ITGAE: variants seen among roughly 807,000 people sequenced by gnomAD.
ITGAE encodes integrin alpha-E.
ITGAE carries 99 observed loss-of-function variants against 136.5 expected under a neutral mutation model. The ratio of observed to expected loss-of-function variants is 0.73; its 90% CI spans 0.62 to 0.86. The LOEUF (loss-of-function observed/expected upper bound fraction) is 0.86, where lower values mean the gene tolerates loss of function less well. Among genes scored for constraint, ITGAE ranks in the 40% least tolerant of loss-of-function variants. The pLI is 0.00. For synonymous variants in ITGAE, 613 were observed against 591.8 expected, an observed-to-expected ratio of 1.04 and a Z score of -0.52; for missense variants, 1,447 against 1,515.3, an observed-to-expected ratio of 0.95 and a Z score of 0.75.
intron 18 of ITGAE, among the ~76,000 whole-genome samples, chr17:3,744,837 T>C (rs2051674841): frequency 6.6e-6 from 1 of 152,116 alleles, no homozygotes; most frequent in African/African-American, 2.4e-5. Context: ...CATTTGCCAC[T>C]CTCTTTGTTT....
chr17:3,735,595 C>T (rs1352024584), intron 20 of ITGAE, among the ~76,000 whole-genome samples: 2 of 152,182 alleles, frequency 1.3e-5, no homozygotes, highest in Admixed American at 6.6e-5. Context: ...CAGGTGTAAG[C>T]CACCGCACAC....
chr17:3,755,520 C>A (rs1029016428), intron 11 of ITGAE, among the ~76,000 whole-genome samples: 1 of 152,172 alleles, frequency 6.6e-6, no homozygotes, highest in African/African-American at 2.4e-5. Flanking sequence ...AGTCCTGTTG[C>A]CTGGTCTGTA....
intron 2 of ITGAE, among the ~76,000 whole-genome samples, chr17:3,774,169 C>CTT (rs1292868576): frequency 6.6e-6 from 1 of 150,802 alleles, no homozygotes; most frequent in African/African-American, 2.4e-5. Flanking sequence ...CCTCACCTGG[C>CTT]TCTGCCCCAG....
intron 20 of ITGAE, among the ~76,000 whole-genome samples, chr17:3,736,234 G>A (rs1371108597): frequency 6.6e-6 from 1 of 152,066 alleles, no homozygotes; most frequent in African/African-American, 2.4e-5. Flanking sequence ...GCTTGAGCCC[G>A]GGAGGCAGAG....
At chr17:3,727,879 T>A in intron 26 of ITGAE, 40 bp downstream of exon 26, 1 of 1,205,904 alleles carries the variant, frequency 8.3e-7, no homozygotes, top group Middle Eastern at 1.9e-4. Flanking sequence ...GTAGTCACTG[T>A]GGAAAGAGGT....
At chr17:3,767,094 T>TC (rs1453784446) in intron 2 of ITGAE, among the ~76,000 whole-genome samples, 1 of 151,544 alleles carries the variant, frequency 6.6e-6, no homozygotes, top group Non-Finnish European at 1.5e-5. Flanking sequence ...CCAAATTCTT[T>TC]TTTTTTTTTT....
chr17:3,725,865 C>A (rs147510645), intron 26 of ITGAE: 3 of 1,599,934 alleles, frequency 1.9e-6, no homozygotes, highest in East Asian at 4.5e-5. Context: ...GGCATCACTG[C>A]GCTTTGAGCA....
chr17:3,772,467 CTTT>C (rs72134638), intron 2 of ITGAE, among the ~76,000 whole-genome samples: 2 of 137,420 alleles, frequency 1.5e-5, no homozygotes, highest in Non-Finnish European at 1.6e-5. Context: ...GGTGAGCAGA[CTTT>C]TTTTTTTTTT....
At chr17:3,745,588 C>T (rs1330783409) in intron 18 of ITGAE, among the ~76,000 whole-genome samples, 176 bp downstream of exon 18, 2 of 152,202 alleles carry the variant, frequency 1.3e-5, no homozygotes, top group Non-Finnish European at 1.5e-5. Flanking sequence ...GTGATCCCCC[C>T]GCCTTGGCCT....
chr17:3,765,348 CAAAAAAAA>C (rs66493976), intron 2 of ITGAE, among the ~76,000 whole-genome samples: 1 of 63,756 alleles, frequency 1.6e-5, no homozygotes, highest in Non-Finnish European at 2.7e-5. Context: ...GACTCTGTCT[CAAAAAAAA>C]AAAAAAAAAA....
chr17:3,725,846 A>T (rs755161630), intron 26 of ITGAE: 1 of 1,611,964 alleles, frequency 6.2e-7, no homozygotes. Context: ...CCTCCCTCGC[A>T]GTGGCAGAGG....
rs924594300 is a variant in ITGAE at position 3,759,415 on chromosome 17, T to C, written c.853A>G (p.Met285Val). The C allele has an allele frequency of 1.2e-6, 2 of 1,613,826 alleles. No individual in the cohort carries two copies. The highest frequency in any genetic ancestry group is 2.2e-5 in the South Asian group (2 of 91,076). The change falls in exon 8 of 31, where the codon ATG becomes GTG. Residue 285 changes from methionine to valine, a missense_variant. Transcript: ENST00000263087. ...CCCCACACTCACAAGACGTGTTGCA[T>C]GGCTGAGGCAGTCTTGGTGACACTC... ...VGSVTKTASA[M>V]QHVLDSIFTS...
intron 9 of ITGAE, 24 bp from the exon 10 acceptor site, chr17:3,757,158 G>A (rs745370062): frequency 9.3e-6 from 15 of 1,611,164 alleles, no homozygotes; most frequent in Non-Finnish European, 1.2e-5. Flanking sequence ...CTGGGTCAGC[G>A]AGTCAGCGCT....
intron 21 of ITGAE, among the ~76,000 whole-genome samples, chr17:3,732,743 C>T (rs2051373844): frequency 6.6e-6 from 1 of 152,106 alleles, no homozygotes; most frequent in Non-Finnish European, 1.5e-5. Context: ...TGAATTCCAA[C>T]TCGGAGGAAT....
intron 16 of ITGAE, among the ~76,000 whole-genome samples, chr17:3,748,788 T>C (rs1217527768): frequency 6.6e-6 from 1 of 151,972 alleles, no homozygotes; most frequent in East Asian, 1.9e-4. Context: ...TTTTGGTTTG[T>C]TTGAGGAGCA....
chr17:3,796,072 T>G (rs1597377004), intron 1 of ITGAE, among the ~76,000 whole-genome samples: 2 of 135,684 alleles, frequency 1.5e-5, no homozygotes, highest in African/African-American at 5.3e-5. Context: ...CATCCGTGTT[T>G]GTGCATCCCT....
chr17:3,770,445 C>T (rs1419011405), intron 2 of ITGAE, among the ~76,000 whole-genome samples: 2 of 152,138 alleles, frequency 1.3e-5, no homozygotes, highest in Non-Finnish European at 2.9e-5. Flanking sequence ...GGTCTATTTC[C>T]ATGTCTGCTG....
At position 3,743,509 on chromosome 17, in the gene ITGAE, C is replaced by T; in HGVS notation, c.2428G>A (p.Glu810Lys). ...HPQPILDRYT[E>K]PFAIFQLPYE... ...GTCACCTGGAAGATGGCAAAGGGCT[C>T]AGTGTAGCGGTCCAGGATGGGCTGG... is the stretch of plus-strand genomic sequence containing the variant. The change falls in exon 19 of 31, where the codon GAG becomes AAG. Residue 810 changes from glutamate to lysine, a missense_variant. This residue lies in a region of ITGAE where 1,031 missense variants were observed against 1,011.4 expected (regional missense o/e 1.02). Coordinates refer to ENST00000263087, the MANE Select transcript of ITGAE (RefSeq NM_002208.5). 1 of 1,601,738 alleles carries T rather than the reference C, an allele frequency of 6.2e-7. No individual in the cohort carries two copies. The highest frequency in any genetic ancestry group is 8.5e-7 in the Non-Finnish European group (1 of 1,176,014).
intron 4 of ITGAE, 26 bp from the exon 5 acceptor site, chr17:3,761,546 A>T: frequency 6.3e-7 from 1 of 1,588,094 alleles, no homozygotes. Flanking sequence ...GAGGGTGGGG[A>T]AACACCAGGT....
Sources: allele counts gnomAD v4.1 joint callset (sites outside exome capture counted in the v4.1 genomes callset), GRCh38; gene constraint gnomAD v4.1.1; regional missense constraint gnomAD v4.1.1; transcripts MANE v1.5; gene names NCBI Gene and HGNC (gene_info 2026-07-23, HGNC 2026-07-21).